NRG3: variants seen among roughly 807,000 people sequenced by gnomAD.
NRG3 encodes the protein pro-neuregulin-3, membrane-bound isoform.
A neutral mutation model predicts 66.9 loss-of-function variants in NRG3; 31 were observed. That is an observed-to-expected ratio of 0.46 (90% confidence interval 0.35 to 0.63). NRG3 has a LOEUF of 0.63. Among genes scored for constraint, NRG3 ranks in the 20% least tolerant of loss-of-function variants. The pLI is 0.00. For synonymous variants in NRG3, 393 were observed against 359.4 expected (o/e 1.09, Z -1.06); for missense variants, 910 against 878.9 (o/e 1.04, Z -0.45).
chr10:82,376,001 C>T (rs369703844), intron 2 of NRG3, among the ~76,000 whole-genome samples: 4 of 152,144 alleles, frequency 2.6e-5, no homozygotes, highest in African/African-American at 9.7e-5. Context: ...AGGGGAAAGA[C>T]GGCACACAGA....
At chr10:82,957,391 T>C (rs544386331) in intron 5 of NRG3, among the ~76,000 whole-genome samples, 17 of 151,798 alleles carry the variant, frequency 1.1e-4, no homozygotes, top group African/African-American at 3.7e-4. Context: ...AGACCGGCCA[T>C]GTGCTCCACT....
At chr10:82,382,304 C>G (rs1411354952) in intron 2 of NRG3, among the ~76,000 whole-genome samples, 1 of 151,780 alleles carries the variant, frequency 6.6e-6, no homozygotes, top group Non-Finnish European at 1.5e-5. Context: ...TGCATTTATT[C>G]AAATGTTTTT....
intron 2 of NRG3, among the ~76,000 whole-genome samples, chr10:82,586,320 A>G (rs1036538430): frequency 6.6e-6 from 1 of 152,140 alleles, no homozygotes; most frequent in African/African-American, 2.4e-5. Flanking sequence ...TTGGGAGAAG[A>G]CAAGGAGAAG....
At chr10:82,224,051 G>A (rs80049761) in intron 1 of NRG3, among the ~76,000 whole-genome samples, 5,566 of 152,252 alleles carry the variant, frequency 0.037, 131 homozygotes, top group Admixed American at 0.045. Flanking sequence ...ATCCAGGGAT[G>A]CCACCATGTG....
chr10:82,181,873 T>G (rs602306), intron 1 of NRG3, among the ~76,000 whole-genome samples: 75,663 of 151,560 alleles, frequency 0.5, 20,692 homozygotes, highest in Middle Eastern at 0.66. Context: ...ACTGTTATTG[T>G]GTTGCTGTGT....
intron 2 of NRG3, among the ~76,000 whole-genome samples, chr10:82,548,236 A>G (rs1347184158): frequency 6.6e-6 from 1 of 152,072 alleles, no homozygotes; most frequent in South Asian, 2.1e-4. Context: ...ATTTTTGGAT[A>G]CCTTAAAAGA....
In NRG3 at chr10:81,966,380, C is replaced by T. The variant is rs528280376; in HGVS notation, c.823+90217C>T. On this transcript the variant is annotated intron_variant, in intron 1 of 8. Coordinates refer to ENST00000372141, the MANE Select transcript of NRG3 (RefSeq NM_001010848.4). The stretch of plus-strand genomic sequence containing the variant: ...TAATGAGTAAAAATGGCCCACCTTT[C>T]ACTGCCTTATCCTCTTGTTTCTGGT... Among the ~76,000 whole-genome samples, 426 of 151,632 alleles carry T rather than the reference C, an allele frequency of 2.8e-3. 4 individuals carry two copies. Among genetic ancestry groups the T allele is most frequent in the African/African-American group, 9.3e-3 (386 of 41,410 alleles).
At chr10:81,899,008 A>G (rs766171977) in intron 1 of NRG3, among the ~76,000 whole-genome samples, 6 of 152,162 alleles carry the variant, frequency 3.9e-5, no homozygotes, top group Non-Finnish European at 8.8e-5. Context: ...ATTTTATCTC[A>G]TTTTAAATTT....
At chr10:82,924,654 C>A (rs1043741466) in intron 4 of NRG3, among the ~76,000 whole-genome samples, 1 of 151,486 alleles carries the variant, frequency 6.6e-6, no homozygotes, top group Non-Finnish European at 1.5e-5. Context: ...AGACCAGTAG[C>A]ATTCAAAGCT....
At chr10:82,233,999 A>C (rs952819820) in intron 1 of NRG3, among the ~76,000 whole-genome samples, 11 of 152,052 alleles carry the variant, frequency 7.2e-5, no homozygotes, top group Non-Finnish European at 1.3e-4. Context: ...CATATTCTCC[A>C]CATTTATACT....
intron 6 of NRG3, among the ~76,000 whole-genome samples, chr10:82,959,690 A>G (rs186214531): frequency 6.6e-6 from 1 of 152,224 alleles, no homozygotes; most frequent in South Asian, 2.1e-4. Flanking sequence ...TGTTATGTTC[A>G]GAGAACTCCA....
rs191113458 is a variant in NRG3, at chr10:82,926,969, T to G, written c.1055-24500T>G. ...TTCTAACTGACCTTTGTTATCCTTC[T>G]GGTCTCCAGTTTAGTTTTCTGGGAA... is the stretch of plus-strand genomic sequence containing the variant. On this transcript the variant is annotated intron_variant, in intron 4 of 8. Coordinates refer to ENST00000372141, the MANE Select transcript of NRG3 (RefSeq NM_001010848.4). Among the ~76,000 whole-genome samples the G allele has an allele frequency of 1.9e-4, 29 of 152,326 alleles. No individual in the cohort carries two copies. The East Asian group carries it at 3.1e-3, about 16-fold the overall frequency.
At chr10:82,209,641 C>T (rs1356417232) in intron 1 of NRG3, among the ~76,000 whole-genome samples, 1 of 152,110 alleles carries the variant, frequency 6.6e-6, no homozygotes, top group African/African-American at 2.4e-5. Context: ...ATTTTGTTTT[C>T]TTGGGTGCTT....
At chr10:82,461,032 C>A (rs1237934145) in intron 2 of NRG3, among the ~76,000 whole-genome samples, 2 of 151,990 alleles carry the variant, frequency 1.3e-5, no homozygotes, top group African/African-American at 4.8e-5. Context: ...TCAACAATAC[C>A]ACGACTGCTA....
chr10:82,943,790 C>T (rs112632777), intron 4 of NRG3, among the ~76,000 whole-genome samples: 291 of 151,994 alleles, frequency 1.9e-3, no homozygotes, highest in African/African-American at 6.8e-3. Context: ...CAAGTTGACA[C>T]CTAAAATTAG....
intron 2 of NRG3, among the ~76,000 whole-genome samples, chr10:82,719,850 T>G (rs951170884): frequency 6.6e-6 from 1 of 152,222 alleles, no homozygotes; most frequent in Non-Finnish European, 1.5e-5. Context: ...GTTTCTGTTT[T>G]CTGGGTATAC....
Position 82,687,016 on chromosome 10 carries a change from C to T in NRG3, c.954-51561C>T, listed in dbSNP as rs116380611. 7.6e-3 allele frequency among the ~76,000 whole-genome samples: 1,162 copies of T among 152,254 alleles called. 11 individuals carry two copies. Among genetic ancestry groups the T allele is most frequent in the African/African-American group, 0.026 (1,095 of 41,544 alleles). On this transcript the variant is annotated intron_variant, in intron 2 of 8. Transcript: ENST00000372141. Reference sequence around the variant, plus strand: ...TCCAAATGACTTCATGTTAAAGAAACGGAATAAAATCAACTCAGCATTCCT... The same window carrying T: ...TCCAAATGACTTCATGTTAAAGAAATGGAATAAAATCAACTCAGCATTCCT...
intron 1 of NRG3, among the ~76,000 whole-genome samples, chr10:82,118,626 A>C (rs919765426): frequency 2.0e-5 from 3 of 152,012 alleles, no homozygotes; most frequent in Non-Finnish European, 2.9e-5. Flanking sequence ...AGACTGCATG[A>C]CCTTGTTTTC....
At chr10:82,106,268 C>T (rs1047122537) in intron 1 of NRG3, among the ~76,000 whole-genome samples, 1 of 152,184 alleles carries the variant, frequency 6.6e-6, no homozygotes, top group South Asian at 2.1e-4. Flanking sequence ...AAGGGTTAGG[C>T]TCAAGCTGTG....
Sources: allele counts gnomAD v4.1 joint callset (sites outside exome capture counted in the v4.1 genomes callset), GRCh38; gene constraint gnomAD v4.1.1; transcripts MANE v1.5; gene names NCBI Gene and HGNC (gene_info 2026-07-23, HGNC 2026-07-21).